The following FBXL17 variants were observed in gnomAD, a reference collection of about 807,000 sequenced individuals.
FBXL17 encodes the protein F-box/LRR-repeat protein 17.
Under a neutral mutation model 66.2 loss-of-function variants are expected in FBXL17, and 22 were observed. The ratio of observed to expected loss-of-function variants is 0.33; its 90% CI spans 0.24 to 0.47. FBXL17 has a LOEUF of 0.47. Ranked by LOEUF, FBXL17 falls within the 20% of genes least tolerant of loss-of-function variation. The pLI is 1.00. For missense variants in FBXL17, 878 were observed against 948.2 expected, an observed-to-expected ratio of 0.93 and a Z score of 0.97; for synonymous variants, 474 against 400.5, an observed-to-expected ratio of 1.18 and a Z score of -2.19.
intron 6 of FBXL17, among the ~76,000 whole-genome samples, chr5:108,033,256 G>A (rs957084759): frequency 6.6e-6 from 1 of 151,794 alleles, no homozygotes; most frequent in Non-Finnish European, 1.5e-5. Context: ...TATTTTTTAT[G>A]CATTTCAAAG....
At chr5:108,008,476 C>G (rs939098863) in intron 7 of FBXL17, among the ~76,000 whole-genome samples, 4 of 152,086 alleles carry the variant, frequency 2.6e-5, no homozygotes, top group Admixed American at 1.3e-4. Flanking sequence ...TCAAACTCTT[C>G]ATTTATTTTG....
At chr5:107,867,411 G>A (rs1186628768) in intron 8 of FBXL17, among the ~76,000 whole-genome samples, 1 of 152,210 alleles carries the variant, frequency 6.6e-6, no homozygotes, top group Non-Finnish European at 1.5e-5. Flanking sequence ...CCATACTGGA[G>A]ATCATTCTTA....
At position 108,107,915 on chromosome 5, in the gene FBXL17, G is replaced by A. The variant is rs890697549; in HGVS notation, c.1745+78202C>T. Reference sequence around the variant, plus strand: ...TCCATTGCACCTAGAATAAAATCCAGACCCCTTTGCATGACCTATTAAGGC... The same window carrying A: ...TCCATTGCACCTAGAATAAAATCCAAACCCCTTTGCATGACCTATTAAGGC... On this transcript the variant is annotated intron_variant, in intron 6 of 8. Coordinates refer to ENST00000542267, the MANE Select transcript of FBXL17 (RefSeq NM_001163315.3). Among the ~76,000 whole-genome samples, 8 of 151,564 alleles carry A rather than the reference G, an allele frequency of 5.3e-5. No individual in the cohort carries two copies. The East Asian group carries it at 1.6e-3, about 29-fold the overall frequency.
At chr5:108,167,141 C>A (rs286773) in intron 6 of FBXL17, among the ~76,000 whole-genome samples, 1 of 152,082 alleles carries the variant, frequency 6.6e-6, no homozygotes, top group African/African-American at 2.4e-5. Context: ...ATAATGAGTA[C>A]ACTATAATTG....
chr5:108,220,301 T>C (rs1251971228), intron 5 of FBXL17, among the ~76,000 whole-genome samples: 1 of 152,164 alleles, frequency 6.6e-6, no homozygotes, highest in Non-Finnish European at 1.5e-5. Flanking sequence ...CTTTCTGTTC[T>C]GTTTTGTCAA....
At chr5:107,921,728 G>C (rs912200523) in intron 7 of FBXL17, among the ~76,000 whole-genome samples, 5 of 152,196 alleles carry the variant, frequency 3.3e-5, no homozygotes, top group African/African-American at 1.2e-4. Context: ...CCCTTGGGAA[G>C]CTCTTGCTCT....
chr5:108,009,222 T>C (rs1229296977), intron 7 of FBXL17, among the ~76,000 whole-genome samples: 1 of 20,238 alleles, frequency 4.9e-5, no homozygotes, highest in African/African-American at 2.1e-4. Flanking sequence ...TATATATATA[T>C]ATATATATAT....
At chr5:107,927,679 T>C (rs557524579) in intron 7 of FBXL17, among the ~76,000 whole-genome samples, 50 of 152,248 alleles carry the variant, frequency 3.3e-4, no homozygotes, top group Non-Finnish European at 6.9e-4. Context: ...GTAATTTTCT[T>C]CCGTAGAAAA....
At chr5:108,212,227 C>T (rs1282061372) in intron 5 of FBXL17, among the ~76,000 whole-genome samples, 2 of 152,130 alleles carry the variant, frequency 1.3e-5, no homozygotes, top group Non-Finnish European at 2.9e-5. Context: ...GTTAGCGATT[C>T]GTCTAACCTT....
chr5:107,980,218 T>A (rs892883203), intron 7 of FBXL17, among the ~76,000 whole-genome samples: 1 of 152,036 alleles, frequency 6.6e-6, no homozygotes, highest in Non-Finnish European at 1.5e-5. Context: ...GCACCTAGAA[T>A]GGTGAAAATC....
At chr5:108,276,475 CTTAGAATAATATA>C (rs377581207) in intron 4 of FBXL17, among the ~76,000 whole-genome samples, 115 of 152,184 alleles carry the variant, frequency 7.6e-4, no homozygotes, top group Non-Finnish European at 8.1e-4. Flanking sequence ...CAATGACAAC[CTTAGAATAATATA>C]TTGTAAGTCT....
rs1033615952 is a variant in FBXL17 at position 108,230,852 on chromosome 5, C to A, written c.1507-6624G>T. Among the ~76,000 whole-genome samples the A allele has an allele frequency of 2.0e-5, 3 of 151,998 alleles. No homozygotes were observed. The South Asian group carries it at 6.2e-4, about 32-fold the overall frequency. On this transcript the variant is annotated intron_variant, in intron 4 of 8. Coordinates refer to ENST00000542267, the MANE Select transcript of FBXL17 (RefSeq NM_001163315.3). ...CAAATAGGGTGCAGTGTATACTGCCCGGGTGATGGGTGCACCAAAATCTCA... is the reference window on the plus strand; with the variant it reads ...CAAATAGGGTGCAGTGTATACTGCCAGGGTGATGGGTGCACCAAAATCTCA...
intron 4 of FBXL17, among the ~76,000 whole-genome samples, chr5:108,340,857 A>G (rs1299982053): frequency 5.9e-5 from 9 of 152,220 alleles, no homozygotes; most frequent in African/African-American, 2.2e-4. Context: ...AGATGAGCAC[A>G]TATTCCTGGC....
chr5:108,122,584 T>C (rs988307914), intron 6 of FBXL17, among the ~76,000 whole-genome samples: 1 of 152,118 alleles, frequency 6.6e-6, no homozygotes, highest in Admixed American at 6.5e-5. Context: ...AGAAATAATC[T>C]CTAGAGAGAA....
At chr5:108,139,374 T>A (rs147475817) in intron 6 of FBXL17, among the ~76,000 whole-genome samples, 4 of 152,342 alleles carry the variant, frequency 2.6e-5, no homozygotes, top group African/African-American at 9.6e-5. Context: ...ATTTGATAGG[T>A]GTCTTATACC....
intron 4 of FBXL17, among the ~76,000 whole-genome samples, chr5:108,347,720 T>C (rs913019606): frequency 1.3e-5 from 2 of 152,132 alleles, no homozygotes; most frequent in East Asian, 1.9e-4. Context: ...AGGATTTTTT[T>C]AGGGGTAATG....
intron 1 of FBXL17, among the ~76,000 whole-genome samples, chr5:108,373,407 T>C (rs1022803336): frequency 2.2e-5 from 3 of 136,438 alleles, no homozygotes; most frequent in Non-Finnish European, 4.5e-5. Flanking sequence ...TTTAGATATG[T>C]TATATTTATT....
At chr5:107,908,621 T>A (rs1171885498) in intron 7 of FBXL17, among the ~76,000 whole-genome samples, 1 of 152,086 alleles carries the variant, frequency 6.6e-6, no homozygotes, top group Non-Finnish European at 1.5e-5. Flanking sequence ...GCTGGAGTAG[T>A]CAGAATACTT....
intron 4 of FBXL17, among the ~76,000 whole-genome samples, chr5:108,346,126 T>C (rs965079226): frequency 3.3e-5 from 5 of 152,284 alleles, no homozygotes; most frequent in Admixed American, 3.3e-4. Context: ...TTCGCAAGTA[T>C]TTAAATATTT....
Sources: allele counts gnomAD v4.1 joint callset (sites outside exome capture counted in the v4.1 genomes callset), GRCh38; gene constraint gnomAD v4.1.1; transcripts MANE v1.5; gene names NCBI Gene and HGNC (gene_info 2026-07-23, HGNC 2026-07-21).